PPFIA2: variants seen among roughly 807,000 people sequenced by gnomAD.
PPFIA2 encodes the protein PPFI scaffold protein A2, also known as liprin-alpha-2.
A neutral mutation model predicts 175.5 loss-of-function variants in PPFIA2; 46 were observed. That is an observed-to-expected ratio of 0.26 (90% CI 0.21 to 0.34). PPFIA2 has a LOEUF of 0.34. Ranked by LOEUF, PPFIA2 falls within the 10% of genes least tolerant of loss-of-function variation. The pLI is 1.00. For synonymous variants in PPFIA2, 568 were observed against 511.4 expected, an observed-to-expected ratio of 1.11 and a Z score of -1.49; for missense variants, 1,179 against 1,506.1, an observed-to-expected ratio of 0.78 and a Z score of 3.60.
intron 6 of PPFIA2, among the ~76,000 whole-genome samples, chr12:81,444,939 A>C (rs1283793260): frequency 6.6e-6 from 1 of 152,152 alleles, no homozygotes; most frequent in Non-Finnish European, 1.5e-5. Flanking sequence ...TATATATGTC[A>C]GTAGAACTTA....
At chr12:81,430,571 A>G (rs1044045659) in intron 7 of PPFIA2, 1 of 138,488 alleles carries the variant, frequency 7.2e-6, no homozygotes, top group Non-Finnish European at 1.6e-5. Flanking sequence ...ATATCTTGCT[A>G]TCTCACTACT....
At chr12:81,436,803 A>T (rs905006255) in intron 7 of PPFIA2, among the ~76,000 whole-genome samples, 2 of 152,232 alleles carry the variant, frequency 1.3e-5, no homozygotes, top group African/African-American at 4.8e-5. Flanking sequence ...AAACTAAAGT[A>T]AATTTTCTTT....
intron 4 of PPFIA2, among the ~76,000 whole-genome samples, chr12:81,492,124 A>ATT (rs538389413): frequency 1.3e-5 from 2 of 150,426 alleles, no homozygotes; most frequent in Admixed American, 6.6e-5. Context: ...TAGCTTCACC[A>ATT]TTTTTTTTTA....
At chr12:81,489,975 C>T (rs2059257002) in intron 4 of PPFIA2, among the ~76,000 whole-genome samples, 1 of 151,832 alleles carries the variant, frequency 6.6e-6, no homozygotes, top group Admixed American at 6.6e-5. Context: ...ATTTTTCTAT[C>T]TCTTTTTCTT....
intron 5 of PPFIA2, among the ~76,000 whole-genome samples, chr12:81,452,665 T>G (rs2052815525): frequency 6.6e-6 from 1 of 152,212 alleles, no homozygotes; most frequent in Admixed American, 6.5e-5. Context: ...TTTTCTGAAT[T>G]GGACCGTATT....
At chr12:81,661,434 G>T (rs1039526812) in intron 4 of PPFIA2, among the ~76,000 whole-genome samples, 2 of 152,066 alleles carry the variant, frequency 1.3e-5, no homozygotes, top group Non-Finnish European at 2.9e-5. Flanking sequence ...AACCAACAAA[G>T]ATCAAAAGAG....
intron 4 of PPFIA2, among the ~76,000 whole-genome samples, chr12:81,519,587 CT>C (rs890130238): frequency 2.0e-5 from 3 of 152,168 alleles, no homozygotes; most frequent in African/African-American, 7.2e-5. Context: ...GTCGCTTCCG[CT>C]ACTATAATGA....
In PPFIA2 at chr12:81,605,843, A is replaced by G. The variant is rs112679485; in HGVS notation, c.303+70948T>C. The stretch of plus-strand genomic sequence containing the variant: ...ATAGCCAAAATCCTGAGTTTACTCT[A>G]TGATTTATTTTCTCAACTTTTATTC... On this transcript the variant is annotated intron_variant, in intron 4 of 32. Transcript: ENST00000549396. Among the ~76,000 whole-genome samples the G allele has an allele frequency of 6.9e-3, 1,050 of 152,020 alleles. 12 individuals are homozygous for G. Among genetic ancestry groups the G allele is most frequent in the African/African-American group, 0.024 (1,000 of 41,520 alleles).
Position 81,605,683 on chromosome 12 carries a change from CTATCTATCTA to C in PPFIA2, c.303+71098_303+71107del, listed in dbSNP as rs1567544363. On this transcript the variant is annotated intron_variant, in intron 4 of 32. Transcript: ENST00000549396. Reference sequence around the variant, plus strand: ...TCTATCTATCTATCTATCTATCTATCTATCTATCTAATCTGTCTATAATTTCTCTATCTCT... The same window carrying C: ...TCTATCTATCTATCTATCTATCTATCATCTGTCTATAATTTCTCTATCTCT... Among the ~76,000 whole-genome samples, 1,460 of 151,204 alleles carry C rather than the reference CTATCTATCTA, an allele frequency of 9.7e-3. 27 individuals are homozygous for C. The highest frequency in any genetic ancestry group is 0.033 in the African/African-American group (1,359 of 41,374).
At chr12:81,387,761 T>G (rs2039301157) in intron 8 of PPFIA2, among the ~76,000 whole-genome samples, 1 of 152,168 alleles carries the variant, frequency 6.6e-6, no homozygotes, top group Non-Finnish European at 1.5e-5. Context: ...AATAACTGAC[T>G]GGCAATTGGT....
chr12:81,445,791 C>T (rs2051138106), intron 5 of PPFIA2, 71 bp from the exon 6 acceptor site: 2 of 1,431,542 alleles, frequency 1.4e-6, no homozygotes, highest in Admixed American at 2.1e-5. Context: ...TGACTTCCCC[C>T]TTAAATTATT....
intron 17 of PPFIA2, among the ~76,000 whole-genome samples, chr12:81,351,345 C>A (rs1322836971): frequency 6.6e-6 from 1 of 151,938 alleles, no homozygotes; most frequent in African/African-American, 2.4e-5. Context: ...TTAAAGAATG[C>A]AAATGAATTT....
chr12:81,272,982 CATA>C (rs1258776780), intron 28 of PPFIA2, among the ~76,000 whole-genome samples: 3 of 152,120 alleles, frequency 2.0e-5, no homozygotes, highest in Non-Finnish European at 4.4e-5. Flanking sequence ...CATTAATAGA[CATA>C]ATAAATAGCC....
chr12:81,647,745 A>G (rs1463788274), intron 4 of PPFIA2, among the ~76,000 whole-genome samples: 1 of 142,870 alleles, frequency 7.0e-6, no homozygotes, highest in Non-Finnish European at 1.5e-5. Context: ...TGGTCAACAG[A>G]GCAAGACTCT....
chr12:81,743,034 C>T (rs571902691), intron 3 of PPFIA2, among the ~76,000 whole-genome samples: 1 of 152,136 alleles, frequency 6.6e-6, no homozygotes, highest in African/African-American at 2.4e-5. Flanking sequence ...ATCCACTCCA[C>T]TCAGGGTGAA....
At chr12:81,356,298 A>G (rs2060838899) in intron 16 of PPFIA2, among the ~76,000 whole-genome samples, 1 of 152,174 alleles carries the variant, frequency 6.6e-6, no homozygotes, top group East Asian at 1.9e-4. Context: ...AAATGATTAC[A>G]ATAGTGACAT....
intron 7 of PPFIA2, among the ~76,000 whole-genome samples, chr12:81,428,176 G>A (rs1437533080): frequency 2.0e-5 from 3 of 151,714 alleles, no homozygotes; most frequent in Non-Finnish European, 2.9e-5. Flanking sequence ...GAGAAAAAAA[G>A]CATTCAAAAT....
intron 5 of PPFIA2, among the ~76,000 whole-genome samples, chr12:81,449,601 C>T (rs904553933): frequency 3.3e-5 from 5 of 151,794 alleles, no homozygotes; most frequent in Non-Finnish European, 7.4e-5. Flanking sequence ...TTAGAAGTAG[C>T]TGAACTTATA....
chr12:81,601,475 T>C (rs2059780890), intron 4 of PPFIA2, among the ~76,000 whole-genome samples: 1 of 151,966 alleles, frequency 6.6e-6, no homozygotes, highest in South Asian at 2.1e-4. Context: ...TGAAAAGCCA[T>C]GAGAGTTGGA....
Sources: allele counts gnomAD v4.1 joint callset (sites outside exome capture counted in the v4.1 genomes callset), GRCh38; gene constraint gnomAD v4.1.1; transcripts MANE v1.5; gene names NCBI Gene and HGNC (gene_info 2026-07-23, HGNC 2026-07-21).